Variants in CCDC60 observed in about 807,000 individuals in gnomAD.
CCDC60 encodes the protein coiled-coil domain containing 60.
Under a neutral mutation model 63.5 loss-of-function variants are expected in CCDC60, and 54 were observed. That is an observed-to-expected ratio of 0.85 (90% CI 0.68 to 1.07). CCDC60 has a LOEUF of 1.07. Among genes scored for constraint, CCDC60 ranks in the 50% least tolerant of loss-of-function variants. The probability of loss-of-function intolerance (pLI) is 0.00; values close to 1 mark genes in which losing one functional copy is unlikely to be tolerated. For synonymous variants in CCDC60, 206 were observed against 238.8 expected, an observed-to-expected ratio of 0.86 and a Z score of 1.27; for missense variants, 651 against 684.3, an observed-to-expected ratio of 0.95 and a Z score of 0.54.
At chr12:119,520,477 T>A (rs750111671) in intron 9 of CCDC60, among the ~76,000 whole-genome samples, 12 of 152,002 alleles carry the variant, frequency 7.9e-5, no homozygotes, top group Non-Finnish European at 1.3e-4. Context: ...TCTCTCTACT[T>A]GGGTAATTTA....
At chr12:119,467,841 A>G in intron 2 of CCDC60, among the ~76,000 whole-genome samples, 1 of 152,222 alleles carries the variant, frequency 6.6e-6, no homozygotes, top group East Asian at 1.9e-4. Context: ...GCAAACGCTA[A>G]CGGTTTTCTT....
At chr12:119,400,350 G>A (rs565507345) in intron 1 of CCDC60, among the ~76,000 whole-genome samples, 9 of 152,276 alleles carry the variant, frequency 5.9e-5, no homozygotes, top group East Asian at 1.9e-4. Flanking sequence ...CGCCCGGCCC[G>A]GTTGGTTTCC....
intron 1 of CCDC60, among the ~76,000 whole-genome samples, chr12:119,384,509 G>A (rs1671679637): frequency 6.6e-6 from 1 of 152,210 alleles, no homozygotes; most frequent in African/African-American, 2.4e-5. Context: ...CAGCCCCACT[G>A]ACAGCAGATC....
At chr12:119,392,924 G>A (rs975774014) in intron 1 of CCDC60, among the ~76,000 whole-genome samples, 3 of 152,208 alleles carry the variant, frequency 2.0e-5, no homozygotes, top group African/African-American at 7.2e-5. Context: ...GGAAGCCAAA[G>A]CAGGAGGACT....
At chr12:119,452,917 G>C (rs918190999) in intron 2 of CCDC60, among the ~76,000 whole-genome samples, 1 of 152,088 alleles carries the variant, frequency 6.6e-6, no homozygotes, top group South Asian at 2.1e-4. Flanking sequence ...CCACCTCCCT[G>C]GTTCAAGCAA....
At chr12:119,405,557 A>T (rs1956472236) in intron 1 of CCDC60, among the ~76,000 whole-genome samples, 1 of 152,206 alleles carries the variant, frequency 6.6e-6, no homozygotes, top group African/African-American at 2.4e-5. Context: ...CAGATTTAAA[A>T]AAAACCAAAA....
At chr12:119,392,072 T>A (rs1221494106) in intron 1 of CCDC60, among the ~76,000 whole-genome samples, 1 of 152,088 alleles carries the variant, frequency 6.6e-6, no homozygotes, top group Admixed American at 6.5e-5. Context: ...ATAAGTAACA[T>A]AAACCCTTTC....
At chr12:119,397,350 T>A (rs1282065750) in intron 1 of CCDC60, among the ~76,000 whole-genome samples, 1 of 152,100 alleles carries the variant, frequency 6.6e-6, no homozygotes, top group Non-Finnish European at 1.5e-5. Context: ...GATTGGCCCA[T>A]TTTACAGAGA....
At position 119,335,189 on chromosome 12, in the gene CCDC60, C is replaced by A; in HGVS notation, c.13C>A (p.Pro5Thr). Residue 5 changes from proline (P) to threonine (T), a missense_variant, in exon 1 of 14, where the codon CCA (proline) becomes ACA (threonine). By Grantham distance (38) the Pro-to-Thr change is conservative (BLOSUM62 -1). Transcript: ENST00000327554. Reference sequence around the variant, plus strand: ...AAGGATTTTTAAGATGACCAAGGTTCCAGCCACCAAGAAGCTTCAGAGTTC... The same window carrying A: ...AAGGATTTTTAAGATGACCAAGGTTACAGCCACCAAGAAGCTTCAGAGTTC... MTKV[P>T]ATKKLQSSPN... The A allele has an allele frequency of 1.9e-6, 3 of 1,606,624 alleles. No individual in the cohort carries two copies. The highest frequency in any genetic ancestry group is 1.7e-6 in the Non-Finnish European group (2 of 1,177,032).
At chr12:119,352,793 CG>C (rs1474288152) in intron 1 of CCDC60, among the ~76,000 whole-genome samples, 1 of 151,808 alleles carries the variant, frequency 6.6e-6, no homozygotes, top group Non-Finnish European at 1.5e-5. Flanking sequence ...AAAAATTAGC[CG>C]GATGTGGTGG....
At chr12:119,527,662 CTTTCTTTTTTT>C (rs1952717188) in intron 11 of CCDC60, among the ~76,000 whole-genome samples, 1 of 93,268 alleles carries the variant, frequency 1.1e-5, no homozygotes, top group African/African-American at 4.7e-5. Context: ...TTCTTTCTTT[CTTTCTTTTTTT>C]TTTTTTTTTT....
chr12:119,532,497 T>C (rs1352217986), intron 13 of CCDC60, among the ~76,000 whole-genome samples: 1 of 151,706 alleles, frequency 6.6e-6, no homozygotes, highest in African/African-American at 2.4e-5. Flanking sequence ...GGTATACATG[T>C]GTCATGGTGG....
rs1952826773 is a variant in CCDC60, at chr12:119,531,028, G to A, written c.1516G>A (p.Glu506Lys). 1 of 1,614,112 alleles carries A rather than the reference G, an allele frequency of 6.2e-7. No individual in the cohort carries two copies. The highest frequency in any genetic ancestry group is 8.5e-7 in the Non-Finnish European group (1 of 1,179,992). Residue 506 changes from glutamate to lysine, a missense_variant, in exon 13 of 14, where the codon GAA becomes AAA. Glu to Lys is a moderately conservative substitution (Grantham distance 56). Transcript: ENST00000327554. ...LKVLQDLRIW[E>K]LCSPDIAVAI... ...GGTGCTGCAGGATCTGAGGATTTGG[G>A]AACTGTGCTCCCCTGACATCGCTGT...
Position 119,450,425 on chromosome 12 carries a change from T to A in CCDC60, c.171-21569T>A, listed in dbSNP as rs192070631. 8.8e-3 allele frequency among the ~76,000 whole-genome samples: 1,346 copies of A among 152,258 alleles called. 22 individuals carry two copies. The highest frequency in any genetic ancestry group is 0.03 in the African/African-American group (1,263 of 41,544). On this transcript the variant is annotated intron_variant, in intron 2 of 13. Coordinates refer to ENST00000327554, the MANE Select transcript of CCDC60 (RefSeq NM_178499.5). ...TAAATCCATTAAAATTTTTTAAAAA[T>A]TTTTAAAATAAAGGATGAGTAGAAG...
intron 1 of CCDC60, among the ~76,000 whole-genome samples, chr12:119,377,992 G>C (rs1416569855): frequency 6.6e-6 from 1 of 152,246 alleles, no homozygotes; most frequent in African/African-American, 2.4e-5. Context: ...CTTGCAGAGA[G>C]AGAGGAGCTC....
At chr12:119,531,700 G>T (rs1200040365) in intron 13 of CCDC60, among the ~76,000 whole-genome samples, 1 of 152,212 alleles carries the variant, frequency 6.6e-6, no homozygotes, top group African/African-American at 2.4e-5. Flanking sequence ...GAAGGAAGCA[G>T]GCAAGGAGTG....
intron 1 of CCDC60, among the ~76,000 whole-genome samples, chr12:119,425,471 T>A (rs901438108): frequency 6.6e-6 from 1 of 152,188 alleles, no homozygotes; most frequent in Non-Finnish European, 1.5e-5. Flanking sequence ...AAGAGAGGGA[T>A]GTATTTCAGA....
At chr12:119,452,665 G>C (rs1269410190) in intron 2 of CCDC60, among the ~76,000 whole-genome samples, 1 of 152,220 alleles carries the variant, frequency 6.6e-6, no homozygotes, top group Non-Finnish European at 1.5e-5. Context: ...TAGTTGTGAT[G>C]ATGGTGGTGG....
intron 1 of CCDC60, among the ~76,000 whole-genome samples, chr12:119,352,813 A>G (rs1452535811): frequency 6.6e-6 from 1 of 152,066 alleles, no homozygotes; most frequent in African/African-American, 2.4e-5. Flanking sequence ...GGTGGTAGGT[A>G]CCTGTGATCC....
Sources: gnomAD v4.1 joint callset for allele counts (sites outside exome capture counted in the v4.1 genomes callset) on GRCh38, gnomAD v4.1.1 for gene constraint, MANE v1.5 for transcripts, NCBI Gene and HGNC (gene_info 2026-07-23, HGNC 2026-07-21) for gene names.